The following PABPC4L variants were observed in gnomAD, a reference collection of about 807,000 sequenced individuals.
PABPC4L encodes the protein poly(A) binding protein cytoplasmic 4 like, also known as polyadenylate-binding protein 4-like.
For synonymous variants in PABPC4L, 169 were observed against 164.1 expected, an observed-to-expected ratio of 1.03 and a Z score of -0.23; for missense variants, 452 against 451.4, an observed-to-expected ratio of 1.00 and a Z score of -0.01.
the PABPC4L span, among the ~76,000 whole-genome samples, chr4:134,188,897 TTCTC>T: frequency 1.3e-5 from 2 of 152,132 alleles, no homozygotes; most frequent in East Asian, 3.9e-4. Flanking sequence ...TTTTGTTTCA[TTCTC>T]TCTTTCTTCT....
At chr4:134,169,846 A>G in the PABPC4L span, among the ~76,000 whole-genome samples, 74 of 152,110 alleles carry the variant, frequency 4.9e-4, 3 homozygotes, top group Non-Finnish European at 9.9e-4. Context: ...TTGTTTTGTT[A>G]TTATCTTATG....
At chr4:134,072,584 T>C in the PABPC4L span, among the ~76,000 whole-genome samples, 1 of 152,192 alleles carries the variant, frequency 6.6e-6, no homozygotes, top group Non-Finnish European at 1.5e-5. Context: ...GTTTAAAGAA[T>C]GTATATGGTT....
At chr4:134,029,156 T>A in the PABPC4L span, among the ~76,000 whole-genome samples, 5 of 152,144 alleles carry the variant, frequency 3.3e-5, no homozygotes, top group Non-Finnish European at 7.3e-5. Flanking sequence ...TTTCAATATA[T>A]TTAACAACCA....
At chr4:134,015,467 G>A in the PABPC4L span, among the ~76,000 whole-genome samples, 3 of 151,972 alleles carry the variant, frequency 2.0e-5, no homozygotes, top group African/African-American at 4.8e-5. Context: ...GCCTCTCTTT[G>A]CTTTCACTTG....
At chr4:134,072,769 A>G in the PABPC4L span, among the ~76,000 whole-genome samples, 4 of 152,176 alleles carry the variant, frequency 2.6e-5, no homozygotes, top group Non-Finnish European at 5.9e-5. Flanking sequence ...ACTTACTATC[A>G]TGGTGAAAGG....
At chr4:134,147,696 C>T in the PABPC4L span, among the ~76,000 whole-genome samples, 72 of 151,684 alleles carry the variant, frequency 4.7e-4, no homozygotes, top group African/African-American at 1.7e-3. Flanking sequence ...GAATTACCCC[C>T]TCTTTTGGTA....
chr4:134,047,832 G>A, the PABPC4L span, among the ~76,000 whole-genome samples: 1 of 145,534 alleles, frequency 6.9e-6, no homozygotes, highest in Non-Finnish European at 1.5e-5. Flanking sequence ...TTTCTGATAT[G>A]GTCATGCTTA....
chr4:134,104,375 G>T, the PABPC4L span, among the ~76,000 whole-genome samples: 29 of 151,864 alleles, frequency 1.9e-4, no homozygotes, highest in Admixed American at 1.1e-3. Flanking sequence ...TTCTTGAGCA[G>T]CAAAGTTGGT....
At chr4:134,046,150 T>C in the PABPC4L span, among the ~76,000 whole-genome samples, 9 of 151,788 alleles carry the variant, frequency 5.9e-5, no homozygotes, top group South Asian at 1.0e-3. Flanking sequence ...AGTCTCTGAG[T>C]TCCCTCAGAA....
the PABPC4L span, among the ~76,000 whole-genome samples, chr4:134,126,512 C>T: frequency 6.6e-6 from 1 of 151,974 alleles, no homozygotes; most frequent in Admixed American, 6.6e-5. Flanking sequence ...TTAAAGAGAC[C>T]CTGTGGGATA....
At chr4:133,976,374 A>C in the PABPC4L span, among the ~76,000 whole-genome samples, 2 of 152,098 alleles carry the variant, frequency 1.3e-5, no homozygotes, top group Non-Finnish European at 2.9e-5. Flanking sequence ...ATTTGGGTTG[A>C]TTCCATGTCC....
chr4:134,124,739 G>A, the PABPC4L span, among the ~76,000 whole-genome samples: 1 of 151,864 alleles, frequency 6.6e-6, no homozygotes, highest in South Asian at 2.1e-4. Flanking sequence ...AAATTCACAG[G>A]GTGGCCTGGT....
chr4:134,104,587 C>T, the PABPC4L span, among the ~76,000 whole-genome samples: 51 of 151,798 alleles, frequency 3.4e-4, no homozygotes, highest in Middle Eastern at 3.4e-3. Context: ...TGGTTAAACA[C>T]CCTAGGTACC....
At chr4:134,165,776 C>T in the PABPC4L span, among the ~76,000 whole-genome samples, 1 of 151,886 alleles carries the variant, frequency 6.6e-6, no homozygotes, top group Non-Finnish European at 1.5e-5. Flanking sequence ...CCAGCAATCC[C>T]TCTACTGGGT....
chr4:134,121,100 A>G, the PABPC4L span, among the ~76,000 whole-genome samples: 1 of 151,272 alleles, frequency 6.6e-6, no homozygotes, highest in African/African-American at 2.4e-5. Flanking sequence ...CTGTTAACCC[A>G]TATGGTGAGT....
At chr4:134,176,983 A>C in the PABPC4L span, among the ~76,000 whole-genome samples, 1 of 152,144 alleles carries the variant, frequency 6.6e-6, no homozygotes, top group Admixed American at 6.5e-5. Context: ...CAACCCCAAT[A>C]GAGTCACCAA....
the PABPC4L span, among the ~76,000 whole-genome samples, chr4:134,126,504 A>G: frequency 4.6e-5 from 7 of 152,248 alleles, no homozygotes; most frequent in East Asian, 1.9e-4. Flanking sequence ...CATGCTTATT[A>G]AAGAGACCCT....
At chr4:133,993,580 T>A in the PABPC4L span, among the ~76,000 whole-genome samples, 17,426 of 152,250 alleles carry the variant, frequency 0.11, 1,455 homozygotes, top group Non-Finnish European at 0.18. Context: ...ACTGATTAAG[T>A]TCTAGTCCTC....
the PABPC4L span, among the ~76,000 whole-genome samples, chr4:134,065,561 G>A: frequency 2.0e-5 from 3 of 152,054 alleles, no homozygotes; most frequent in African/African-American, 7.2e-5. Context: ...CTTCCATTCT[G>A]GAGGTAGTCT....
Sources: gnomAD v4.1 joint callset for allele counts (sites outside exome capture counted in the v4.1 genomes callset) on GRCh38, gnomAD v4.1.1 for gene constraint, MANE v1.5 for transcripts, NCBI Gene and HGNC (gene_info 2026-07-23, HGNC 2026-07-21) for gene names.